Variants in EYS observed in about 807,000 individuals in gnomAD.
EYS encodes EGF-like photoreceptor maintenance factor, also known as protein eyes shut homolog.
In EYS, 250 loss-of-function variants were observed where a neutral mutation model predicts 282.1. That is an observed-to-expected ratio of 0.89 (90% CI 0.80 to 0.98). EYS has a LOEUF of 0.98. EYS is among the 50% of genes least tolerant of loss of function. The pLI is 0.00. For missense variants in EYS, 4,016 were observed against 3,709.0 expected (o/e 1.08, Z -2.15); for synonymous variants, 1,355 against 1,282.9 (o/e 1.06, Z -1.20).
chr6:63,839,264 T>G, intron 36 of EYS, among the ~76,000 whole-genome samples: 1 of 152,204 alleles, frequency 6.6e-6, no homozygotes, highest in Non-Finnish European at 1.5e-5. Flanking sequence ...CTTTATAGTT[T>G]TATGAGATCA....
At chr6:65,560,378 T>C (rs993676910) in intron 2 of EYS, among the ~76,000 whole-genome samples, 1 of 146,688 alleles carries the variant, frequency 6.8e-6, no homozygotes. Flanking sequence ...AATACATTAT[T>C]ATATATTGTA....
chr6:64,506,100 T>C (rs963008127), intron 26 of EYS, among the ~76,000 whole-genome samples: 1 of 152,190 alleles, frequency 6.6e-6, no homozygotes, highest in Non-Finnish European at 1.5e-5. Flanking sequence ...TATTCTTTCA[T>C]AGAATTATGA....
chr6:64,453,537 G>A (rs1325361753), intron 26 of EYS, among the ~76,000 whole-genome samples: 1 of 152,144 alleles, frequency 6.6e-6, no homozygotes, highest in Non-Finnish European at 1.5e-5. Context: ...AAATCATGCT[G>A]CTATAAAGAC....
rs564710894 is a variant in EYS at position 64,349,657 on chromosome 6, A to G, written c.6078+39033T>C. 3.3e-5 allele frequency among the ~76,000 whole-genome samples: 5 copies of G among 151,468 alleles called. No homozygotes were observed. In the South Asian group the frequency reaches 1.0e-3, roughly 31 times the overall value. ...TTAAAAATAAAGGAATGTTATTTAAAGTGTTTTTAGTTTTGTTTTTCAATT... is the reference window on the plus strand; with the variant it reads ...TTAAAAATAAAGGAATGTTATTTAAGGTGTTTTTAGTTTTGTTTTTCAATT... On this transcript the variant is annotated intron_variant, in intron 29 of 42. Transcript: ENST00000503581.
intron 41 of EYS, among the ~76,000 whole-genome samples, chr6:63,741,669 T>C (rs1413037711): frequency 6.6e-6 from 1 of 152,228 alleles, no homozygotes; most frequent in Non-Finnish European, 1.5e-5. Flanking sequence ...GATCTTTCAT[T>C]CTCATCCTTG....
chr6:65,269,711 G>C (rs920928089), intron 12 of EYS, among the ~76,000 whole-genome samples: 2 of 152,030 alleles, frequency 1.3e-5, no homozygotes, highest in African/African-American at 4.8e-5. Flanking sequence ...GGGATCTGGT[G>C]AGGGTCCTCT....
At chr6:64,461,795 T>C (rs752365403) in intron 26 of EYS, among the ~76,000 whole-genome samples, 3 of 152,188 alleles carry the variant, frequency 2.0e-5, no homozygotes, top group Non-Finnish European at 2.9e-5. Flanking sequence ...AATATGTCTA[T>C]ATAAAAATTG....
At chr6:64,537,846 G>T (rs971321840) in intron 26 of EYS, among the ~76,000 whole-genome samples, 1 of 152,042 alleles carries the variant, frequency 6.6e-6, no homozygotes, top group Non-Finnish European at 1.5e-5. Context: ...ATTTTTAAAA[G>T]AATGTTTAGA....
At chr6:65,048,539 C>A (rs1366721420) in intron 13 of EYS, among the ~76,000 whole-genome samples, 1 of 151,864 alleles carries the variant, frequency 6.6e-6, no homozygotes. Context: ...TATGAAAAAA[C>A]TTGACCATTC....
At chr6:64,975,794 A>C (rs1212935585) in intron 14 of EYS, among the ~76,000 whole-genome samples, 3 of 151,882 alleles carry the variant, frequency 2.0e-5, no homozygotes, top group African/African-American at 7.2e-5. Context: ...ATTTGGTAAT[A>C]ATTATTTTGA....
At chr6:64,310,856 G>T (rs1769668732) in intron 29 of EYS, among the ~76,000 whole-genome samples, 1 of 152,092 alleles carries the variant, frequency 6.6e-6, no homozygotes, top group African/African-American at 2.4e-5. Context: ...TACTTTAAGT[G>T]CTGGAACCAC....
chr6:65,019,685 A>T (rs1453506761), intron 13 of EYS, among the ~76,000 whole-genome samples: 2 of 152,202 alleles, frequency 1.3e-5, no homozygotes, highest in East Asian at 3.8e-4. Context: ...GTAAGACAAC[A>T]GGAATTATCT....
intron 33 of EYS, among the ~76,000 whole-genome samples, chr6:64,023,861 C>G (rs1277956574): frequency 6.6e-6 from 1 of 152,236 alleles, no homozygotes; most frequent in Non-Finnish European, 1.5e-5. Context: ...TCAGTGGGCC[C>G]CGCACTCGTA....
At chr6:64,198,955 C>A (rs894517889) in intron 31 of EYS, among the ~76,000 whole-genome samples, 1 of 152,100 alleles carries the variant, frequency 6.6e-6, no homozygotes, top group Non-Finnish European at 1.5e-5. Context: ...AGTGTAAAAG[C>A]GTTCCTATTT....
At chr6:64,249,151 AG>A (rs1767122825) in intron 30 of EYS, among the ~76,000 whole-genome samples, 1 of 152,062 alleles carries the variant, frequency 6.6e-6, no homozygotes, top group African/African-American at 2.4e-5. Flanking sequence ...ATCAACATAA[AG>A]GTCCATTAAT....
intron 26 of EYS, among the ~76,000 whole-genome samples, chr6:64,589,537 T>A (rs1000697541): frequency 1.3e-5 from 2 of 152,022 alleles, no homozygotes; most frequent in African/African-American, 2.4e-5. Flanking sequence ...ACCAATTTGA[T>A]AGCAATTACA....
chr6:64,388,989 A>G (rs1773008218), intron 28 of EYS, 149 bp from the exon 29 acceptor site: 10 of 551,764 alleles, frequency 1.8e-5, no homozygotes, highest in Non-Finnish European at 2.6e-5. Context: ...TCTGTTATAA[A>G]TTAGAATCCT....
chr6:64,840,840 A>G (rs1002257749), intron 19 of EYS, among the ~76,000 whole-genome samples: 1 of 152,108 alleles, frequency 6.6e-6, no homozygotes, highest in Non-Finnish European at 1.5e-5. Flanking sequence ...GCACACACAT[A>G]CTTAAATTTA....
At chr6:65,349,227 C>G (rs1218357680) in intron 9 of EYS, among the ~76,000 whole-genome samples, 3 of 151,420 alleles carry the variant, frequency 2.0e-5, no homozygotes, top group African/African-American at 7.3e-5. Context: ...TGGTGCCATG[C>G]TTTTCATTAA....
Sources: gnomAD v4.1 joint callset for allele counts (sites outside exome capture counted in the v4.1 genomes callset) on GRCh38, gnomAD v4.1.1 for gene constraint, MANE v1.5 for transcripts, NCBI Gene and HGNC (gene_info 2026-07-23, HGNC 2026-07-21) for gene names.